Variants in TDRD5 observed in about 807,000 individuals in gnomAD.
The protein encoded by TDRD5 is tudor domain-containing protein 5.
In TDRD5, 41 loss-of-function variants were observed where a neutral mutation model predicts 120.6. That is an observed-to-expected ratio of 0.34 (90% CI 0.26 to 0.44). The LOEUF (loss-of-function observed/expected upper bound fraction) is 0.44. Among genes scored for constraint, TDRD5 ranks in the 20% least tolerant of loss-of-function variants. TDRD5 has a pLI of 1.00. For synonymous variants in TDRD5, 430 were observed against 433.7 expected (o/e 0.99, Z 0.11); for missense variants, 1,006 against 1,221.2 (o/e 0.82, Z 2.63).
rs1475413944 is a variant in TDRD5 at position 179,663,475 on chromosome 1, C to T, written c.2633C>T (p.Thr878Ile). ...GGTGCTCAGGAAAAAAATACTGGCA[C>T]AAACAGGACTCAAAAGGTAAATGTC... ...VLGAQEKNTG[T>I]NRTQKQLDIN... The change falls in exon 16 of 18, where the codon ACA becomes ATA. Residue 878 changes from threonine (T) to isoleucine (I), a missense_variant. By Grantham distance (89) the Thr-to-Ile change is moderately conservative. This residue lies in a region of TDRD5 where 403 missense variants were observed against 448.1 expected (regional missense o/e 0.90). Transcript: ENST00000444136. 6.2e-7 allele frequency: 1 copy of T among 1,611,430 alleles called. No individual in the cohort carries two copies. Among genetic ancestry groups the T allele is most frequent in the Non-Finnish European group, 8.5e-7 (1 of 1,179,304 alleles).
At chr1:179,682,727 G>T (rs1163315785) in intron 17 of TDRD5, among the ~76,000 whole-genome samples, 2 of 151,262 alleles carry the variant, frequency 1.3e-5, no homozygotes, top group African/African-American at 4.9e-5. Flanking sequence ...GGTTTATTAG[G>T]CTGGTCTGGA....
chr1:179,685,569 T>C (rs1270835155), intron 17 of TDRD5, among the ~76,000 whole-genome samples: 1 of 152,202 alleles, frequency 6.6e-6, no homozygotes, highest in Non-Finnish European at 1.5e-5. Context: ...TGTTTTCCAA[T>C]TCTGTGAAGA....
chr1:179,592,797 C>T lies in TDRD5; in HGVS notation c.182C>T (p.Pro61Leu), dbSNP rs368063897. 9.9e-5 allele frequency: 159 copies of T among 1,614,012 alleles called. No homozygotes were observed. Among genetic ancestry groups the T allele is most frequent in the Non-Finnish European group, 1.3e-4 (157 of 1,180,042 alleles). The stretch of plus-strand genomic sequence containing the variant: ...ACTATGGAGCTGGTATTGGACATGC[C>T]TGATGTTGTTCGTGTCTGCCCCGGT... ...RSTMELVLDM[P>L]DVVRVCPGAG... Residue 61 changes from proline (P) to leucine (L), a missense_variant, in exon 2 of 18, where the codon CCT (proline) becomes CTT (leucine). Transcript: ENST00000444136.
At chr1:179,617,025 A>T (rs1676596581) in intron 4 of TDRD5, among the ~76,000 whole-genome samples, 1 of 152,194 alleles carries the variant, frequency 6.6e-6, no homozygotes, top group Non-Finnish European at 1.5e-5. Flanking sequence ...GTTCACTGGG[A>T]GAGCTTTAGG....
intron 4 of TDRD5, among the ~76,000 whole-genome samples, chr1:179,617,674 T>C (rs1676632095): frequency 6.6e-6 from 1 of 152,080 alleles, no homozygotes. Context: ...TGAACAAAAC[T>C]CTACAATCTT....
At chr1:179,670,074 C>T (rs529954437) in intron 17 of TDRD5, among the ~76,000 whole-genome samples, 12 of 152,098 alleles carry the variant, frequency 7.9e-5, no homozygotes, top group Admixed American at 2.0e-4. Context: ...TTTCTGTAGA[C>T]GTATGTTTTT....
chr1:179,667,170 C>T (rs758843529), intron 16 of TDRD5, among the ~76,000 whole-genome samples: 14 of 152,158 alleles, frequency 9.2e-5, no homozygotes, highest in Admixed American at 5.9e-4. Context: ...AGTAGTAAGG[C>T]TCTAGGTTAC....
At chr1:179,677,198 T>C (rs1370039496) in intron 17 of TDRD5, among the ~76,000 whole-genome samples, 2 of 152,076 alleles carry the variant, frequency 1.3e-5, no homozygotes, top group African/African-American at 4.8e-5. Context: ...TTTCCAGAAG[T>C]TGTGATTGTT....
Position 179,670,166 on chromosome 1 carries a change from T to C in TDRD5, c.2860+762T>C, listed in dbSNP as rs1356108461. Among the ~76,000 whole-genome samples, 5 of 151,942 alleles carry C rather than the reference T, an allele frequency of 3.3e-5. No individual in the cohort carries two copies. In the East Asian group the frequency reaches 9.7e-4, roughly 29 times the overall value. On this transcript the variant is annotated intron_variant, in intron 17 of 17. Transcript: ENST00000444136. Reference sequence around the variant, plus strand: ...CAGCACTTTGGGAGGCTGAGGTGGGTGGATCACGAGGTCAGGAGTTCAAGA... The same window carrying C: ...CAGCACTTTGGGAGGCTGAGGTGGGCGGATCACGAGGTCAGGAGTTCAAGA...
At chr1:179,611,054 T>A (rs1265143052) in intron 4 of TDRD5, among the ~76,000 whole-genome samples, 3 of 151,982 alleles carry the variant, frequency 2.0e-5, no homozygotes, top group African/African-American at 7.3e-5. Context: ...AGATATTGTA[T>A]GTTGTGATAC....
At chr1:179,629,288 A>T (rs1460111179) in intron 6 of TDRD5, among the ~76,000 whole-genome samples, 1 of 152,216 alleles carries the variant, frequency 6.6e-6, no homozygotes, top group African/African-American at 2.4e-5. Context: ...CACTTTAAAA[A>T]CCAAAAGGAT....
intron 11 of TDRD5, among the ~76,000 whole-genome samples, chr1:179,642,353 G>A (rs1174547599): frequency 6.6e-6 from 1 of 152,092 alleles, no homozygotes; most frequent in Non-Finnish European, 1.5e-5. Flanking sequence ...GCCCACCTCG[G>A]CCTCCCAAAG....
At chr1:179,633,119 T>C (rs1335535357) in intron 7 of TDRD5, among the ~76,000 whole-genome samples, 1 of 152,206 alleles carries the variant, frequency 6.6e-6, no homozygotes, top group Non-Finnish European at 1.5e-5. Context: ...TCCTCATTTC[T>C]TACACTTCAT....
In TDRD5 at chr1:179,616,000, A is replaced by G. The variant is rs1676547315; in HGVS notation, c.832-2599A>G. 3.9e-5 allele frequency among the ~76,000 whole-genome samples: 6 copies of G among 152,266 alleles called. No individual in the cohort carries two copies. The South Asian group carries it at 1.2e-3, about 32-fold the overall frequency. ...GAATGAGTGAATATGGCTGTGTTCT[A>G]ATAAAACTATGGACACTGAAATTTG... On this transcript the variant is annotated intron_variant, in intron 4 of 17. Transcript: ENST00000444136.
At chr1:179,689,145 T>C (rs1327017183) in intron 17 of TDRD5, among the ~76,000 whole-genome samples, 2 of 152,240 alleles carry the variant, frequency 1.3e-5, no homozygotes, top group Non-Finnish European at 2.9e-5. Flanking sequence ...TTTAGAATTT[T>C]CAGCTTTTCT....
chr1:179,593,741 T>C lies in TDRD5; in HGVS notation c.514T>C (p.Phe172Leu). 3 of 1,614,270 alleles carry C rather than the reference T, an allele frequency of 1.9e-6. No individual in the cohort carries two copies. The highest frequency in any genetic ancestry group is 2.5e-6 in the Non-Finnish European group (3 of 1,180,050). The change falls in exon 3 of 18, where the codon TTT (phenylalanine) becomes CTT (leucine). Residue 172 changes from phenylalanine to leucine, a missense_variant. Physicochemically the swap from Phe to Leu is conservative, Grantham distance 22. Transcript: ENST00000444136. ...ATCATTCCAATACATGCAATATGGATTTCTCTCTATGTTTGAAGTGCTTAA... is the reference window on the plus strand; with the variant it reads ...ATCATTCCAATACATGCAATATGGACTTCTCTCTATGTTTGAAGTGCTTAA... Reference protein sequence around the residue: ...GRSFQYMQYGFLSMFEVLNAA... With the variant: ...GRSFQYMQYGLLSMFEVLNAA...
intron 11 of TDRD5, among the ~76,000 whole-genome samples, chr1:179,648,312 T>C (rs1345693946): frequency 6.9e-6 from 1 of 144,332 alleles, no homozygotes; most frequent in Non-Finnish European, 1.5e-5. Context: ...ATGGATGAAA[T>C]TGGAAATCAT....
chr1:179,656,635 T>C (rs1475311236), intron 14 of TDRD5, among the ~76,000 whole-genome samples: 1 of 152,232 alleles, frequency 6.6e-6, no homozygotes, highest in African/African-American at 2.4e-5. Context: ...CAAAAATCAA[T>C]TGTCCATATT....
At chr1:179,598,305 C>CT (rs1035445266) in intron 4 of TDRD5, among the ~76,000 whole-genome samples, 5 of 152,168 alleles carry the variant, frequency 3.3e-5, no homozygotes, top group African/African-American at 1.2e-4. Context: ...AGTCTTGCAA[C>CT]TTTGTTATTT....
Sources: allele counts gnomAD v4.1 joint callset (sites outside exome capture counted in the v4.1 genomes callset), GRCh38; gene constraint gnomAD v4.1.1; regional missense constraint gnomAD v4.1.1; transcripts MANE v1.5; gene names NCBI Gene and HGNC (gene_info 2026-07-23, HGNC 2026-07-21).